Variants in CORO2B observed in about 807,000 individuals in gnomAD.
CORO2B encodes coronin 2B.
CORO2B carries 26 observed loss-of-function variants against 58.8 expected under a neutral mutation model. The ratio of observed to expected loss-of-function variants is 0.44; its 90% confidence interval spans 0.32 to 0.61. The LOEUF is 0.61. Among genes scored for constraint, CORO2B ranks in the 20% least tolerant of loss-of-function variants. CORO2B has a pLI of 0.04. For missense variants in CORO2B, 460 were observed against 645.1 expected, an observed-to-expected ratio of 0.71 and a Z score of 3.11; for synonymous variants, 242 against 253.8, an observed-to-expected ratio of 0.95 and a Z score of 0.44.
chr15:68,666,501 G>A (rs1425368946), intron 2 of CORO2B, among the ~76,000 whole-genome samples: 1 of 152,220 alleles, frequency 6.6e-6, no homozygotes, highest in Non-Finnish European at 1.5e-5. Context: ...TTTCCTGACA[G>A]CTGGCGGGAA....
At chr15:68,560,046 G>A in the CORO2B span, among the ~76,000 whole-genome samples, 5 of 152,236 alleles carry the variant, frequency 3.3e-5, no homozygotes, top group African/African-American at 4.8e-5. Flanking sequence ...GGGAGATCCC[G>A]GTGGAGACTG....
Position 68,727,658 on chromosome 15 carries a change from C to G in CORO2B, c.*1684C>G, listed in dbSNP as rs1462928589. The G allele has an allele frequency of 6.5e-6, 1 of 152,756 alleles. No homozygotes were observed. Among genetic ancestry groups the G allele is most frequent in the East Asian group, 1.9e-4 (1 of 5,182 alleles). 9.5% of individuals were successfully genotyped at this position (152,756 alleles called of 1,614,324 possible). A position where few individuals can be genotyped will look rare whatever the true frequency, so the allele number is the denominator to read the frequency against. Reference sequence around the variant, plus strand: ...AGTAGGGCCTCCTCACCCCGTACCCCACAGCTAGACAGTGTCAGCACTCAT... The same window carrying G: ...AGTAGGGCCTCCTCACCCCGTACCCGACAGCTAGACAGTGTCAGCACTCAT... On this transcript the variant is annotated 3_prime_UTR_variant, in exon 12 of 12. Coordinates refer to ENST00000261861, the MANE Select transcript of CORO2B (RefSeq NM_006091.5).
intron 1 of CORO2B, among the ~76,000 whole-genome samples, chr15:68,619,552 C>T (rs1566986957): frequency 6.6e-6 from 1 of 152,092 alleles, no homozygotes; most frequent in Non-Finnish European, 1.5e-5. Context: ...TTCCAAATGG[C>T]TCTCTCTCCC....
chr15:68,672,783 G>A (rs909285284), intron 2 of CORO2B, among the ~76,000 whole-genome samples: 1 of 152,126 alleles, frequency 6.6e-6, no homozygotes, highest in Non-Finnish European at 1.5e-5. Flanking sequence ...AGGCCCCTTA[G>A]GTTATGAGGC....
At chr15:68,636,447 C>T (rs1050667838) in intron 1 of CORO2B, among the ~76,000 whole-genome samples, 3 of 152,216 alleles carry the variant, frequency 2.0e-5, no homozygotes, top group African/African-American at 7.2e-5. Flanking sequence ...TGCGTATCCT[C>T]CCCTCTAGAG....
At chr15:68,647,676 C>T (rs1276918147) in intron 2 of CORO2B, among the ~76,000 whole-genome samples, 13 of 123,342 alleles carry the variant, frequency 1.1e-4, no homozygotes, top group African/African-American at 4.3e-4. Flanking sequence ...GCAACAAGAT[C>T]GAAACTCCAT....
chr15:68,574,143 G>C (rs1008362089), upstream of CORO2B, among the ~76,000 whole-genome samples: 2 of 152,206 alleles, frequency 1.3e-5, no homozygotes, highest in Non-Finnish European at 2.9e-5. Context: ...TTGCACAAGA[G>C]AGCAGGCAAG....
the CORO2B span, among the ~76,000 whole-genome samples, chr15:68,530,534 C>T: frequency 6.6e-6 from 1 of 151,970 alleles, no homozygotes; most frequent in East Asian, 1.9e-4. Context: ...TTACCTACTA[C>T]TTGTACTATC....
At chr15:68,633,437 C>G in intron 1 of CORO2B, among the ~76,000 whole-genome samples, 1 of 151,906 alleles carries the variant, frequency 6.6e-6, no homozygotes, top group Non-Finnish European at 1.5e-5. Context: ...AAAGTTTCTG[C>G]TCTAGTTTCT....
intron 1 of CORO2B, among the ~76,000 whole-genome samples, chr15:68,605,890 A>C (rs1006573278): frequency 3.3e-5 from 5 of 151,634 alleles, no homozygotes; most frequent in Admixed American, 2.6e-4. Context: ...ACACTCAGCT[A>C]ATTTTTGTAT....
At chr15:68,683,732 G>A (rs539973278) in intron 2 of CORO2B, among the ~76,000 whole-genome samples, 2 of 152,310 alleles carry the variant, frequency 1.3e-5, no homozygotes, top group Non-Finnish European at 2.9e-5. Context: ...TCCCTGCAGA[G>A]CATGTTCTAC....
At chr15:68,687,235 G>A (rs1282700355) in intron 2 of CORO2B, among the ~76,000 whole-genome samples, 3 of 152,240 alleles carry the variant, frequency 2.0e-5, no homozygotes, top group African/African-American at 7.2e-5. Context: ...CTGGGCCAGT[G>A]AGTGCCGGAA....
At chr15:68,634,328 C>T (rs773038375) in intron 1 of CORO2B, among the ~76,000 whole-genome samples, 2 of 152,142 alleles carry the variant, frequency 1.3e-5, no homozygotes, top group African/African-American at 2.4e-5. Flanking sequence ...ACTCGCTGGC[C>T]GGCAGGGTGG....
intron 1 of CORO2B, among the ~76,000 whole-genome samples, chr15:68,585,448 C>T (rs780480351): frequency 6.6e-6 from 1 of 152,204 alleles, no homozygotes; most frequent in Admixed American, 6.5e-5. Flanking sequence ...GGGGTAGATT[C>T]TATTATCCAT....
At chr15:68,539,843 A>T in the CORO2B span, among the ~76,000 whole-genome samples, 1 of 152,210 alleles carries the variant, frequency 6.6e-6, no homozygotes, top group Admixed American at 6.5e-5. Flanking sequence ...TTGTTTGGAA[A>T]TCTCTTTGCT....
the CORO2B span, among the ~76,000 whole-genome samples, chr15:68,564,694 A>G: frequency 6.6e-6 from 1 of 152,318 alleles, no homozygotes; most frequent in South Asian, 2.1e-4. Flanking sequence ...GAGTCATTGT[A>G]AAGATAAAGA....
intron 1 of CORO2B, among the ~76,000 whole-genome samples, chr15:68,612,713 A>G (rs1900271900): frequency 6.6e-6 from 1 of 152,204 alleles, no homozygotes. Flanking sequence ...TCGTGACTTC[A>G]CATGAAGAAA....
At chr15:68,636,498 T>C (rs1404129066) in intron 1 of CORO2B, among the ~76,000 whole-genome samples, 1 of 152,178 alleles carries the variant, frequency 6.6e-6, no homozygotes, top group African/African-American at 2.4e-5. Flanking sequence ...CTGTTCCCAC[T>C]TGGCTTAGAT....
Position 68,725,320 on chromosome 15 carries a change from A to G in CORO2B, c.1312-523A>G, listed in dbSNP as rs903281600. Among the ~76,000 whole-genome samples the G allele has an allele frequency of 5.9e-5, 9 of 152,250 alleles. No homozygotes were observed. The East Asian group carries it at 1.2e-3, about 20-fold the overall frequency. On this transcript the variant is annotated intron_variant, in intron 11 of 11. Transcript: ENST00000261861. ...GGAGACAGAGGTTGCAGTGAGCCGA[A>G]ATCATGCCACCGCACTACAGCCTGG...
Sources: allele counts gnomAD v4.1 joint callset (sites outside exome capture counted in the v4.1 genomes callset), GRCh38; gene constraint gnomAD v4.1.1; transcripts MANE v1.5; gene names NCBI Gene and HGNC (gene_info 2026-07-23, HGNC 2026-07-21).